PUM1: variants seen among roughly 807,000 people sequenced by gnomAD.
The protein encoded by PUM1 is pumilio homolog 1.
PUM1 carries 13 observed loss-of-function variants against 131.8 expected under a neutral mutation model. The ratio of observed to expected loss-of-function variants is 0.10; its 90% CI spans 0.06 to 0.16. The LOEUF is 0.16. Among genes scored for constraint, PUM1 ranks in the 10% least tolerant of loss-of-function variants. PUM1 has a pLI of 1.00. For synonymous variants in PUM1, 509 were observed against 556.5 expected (o/e 0.91, Z 1.20); for missense variants, 961 against 1,512.4 (o/e 0.64, Z 6.05).
rs1043173503 is a variant in PUM1, at chr1:30,932,126, G to A, written c.*1085C>T. On this transcript the variant is annotated 3_prime_UTR_variant, in exon 22 of 22. Coordinates refer to ENST00000426105, the MANE Select transcript of PUM1 (RefSeq NM_001020658.2). ...TACAATATACAACACTATATGCTAC[G>A]ACCATAAAAGGTGAGAATATACACT... 6.6e-6 allele frequency: 1 copy of A among 152,426 alleles called. No individual in the cohort carries two copies. Among genetic ancestry groups the A allele is most frequent in the Non-Finnish European group, 1.5e-5 (1 of 68,010 alleles). 9.4% of individuals were successfully genotyped at this position (152,426 alleles called of 1,614,324 possible).
chr1:30,960,048 T>C (rs552981298), intron 14 of PUM1, among the ~76,000 whole-genome samples: 1 of 152,314 alleles, frequency 6.6e-6, no homozygotes, highest in Admixed American at 6.5e-5. Context: ...TGATTATGCT[T>C]AATGGTAAAA....
chr1:31,003,236 A>C (rs1642278278), intron 5 of PUM1, among the ~76,000 whole-genome samples: 1 of 152,218 alleles, frequency 6.6e-6, no homozygotes, highest in Non-Finnish European at 1.5e-5. Context: ...TATCTACAAG[A>C]AGCAGAAATC....
intron 10 of PUM1, among the ~76,000 whole-genome samples, chr1:30,970,422 A>G (rs115853989): frequency 0.01 from 1,571 of 152,308 alleles, 11 homozygotes; most frequent in East Asian, 0.032. Context: ...GATCTTGCAG[A>G]TTTGCTGGAA....
At chr1:30,939,511 G>T (rs2124384700) in intron 20 of PUM1, among the ~76,000 whole-genome samples, 1 of 152,304 alleles carries the variant, frequency 6.6e-6, no homozygotes, top group East Asian at 1.9e-4. Context: ...GTGACCACAG[G>T]CTAACAGCCA....
chr1:30,959,586 G>A (rs550057947), intron 14 of PUM1, among the ~76,000 whole-genome samples: 1 of 152,180 alleles, frequency 6.6e-6, no homozygotes, highest in South Asian at 2.1e-4. Context: ...ACGGAATACA[G>A]GATAAAAGCC....
intron 1 of PUM1, among the ~76,000 whole-genome samples, chr1:31,060,076 G>A (rs980857659): frequency 4.0e-5 from 6 of 150,090 alleles, no homozygotes; most frequent in African/African-American, 9.8e-5. Context: ...TCGAACTCCC[G>A]ACCTCAGGTG....
At chr1:31,023,055 T>A (rs924773790) in intron 3 of PUM1, among the ~76,000 whole-genome samples, 8 of 151,776 alleles carry the variant, frequency 5.3e-5, no homozygotes, top group African/African-American at 1.9e-4. Flanking sequence ...ACACCTGTAG[T>A]CCCAGCTACT....
intron 20 of PUM1, among the ~76,000 whole-genome samples, chr1:30,938,283 C>T (rs1639296670): frequency 6.6e-6 from 1 of 152,160 alleles, no homozygotes; most frequent in South Asian, 2.1e-4. Context: ...GAGACAGTCT[C>T]GCTCTGTCAC....
At chr1:30,987,893 T>C (rs915596233) in intron 7 of PUM1, among the ~76,000 whole-genome samples, 4 of 152,226 alleles carry the variant, frequency 2.6e-5, no homozygotes, top group Admixed American at 6.5e-5. Flanking sequence ...AGAAATCACA[T>C]ATACTTTCAT....
chr1:30,941,362 T>G, intron 19 of PUM1, 90 bp from the exon 20 acceptor site: 3 of 1,346,620 alleles, frequency 2.2e-6, no homozygotes, highest in Non-Finnish European at 3.0e-6. Flanking sequence ...AAACCTGTCT[T>G]TCTTTTACCA....
At chr1:30,936,869 A>G in intron 20 of PUM1, 34 bp from the exon 21 acceptor site, 3 of 1,529,564 alleles carry the variant, frequency 2.0e-6, no homozygotes, top group East Asian at 2.3e-5. Context: ...CAACTCTTAC[A>G]AGAGAGGCCC....
In PUM1 at chr1:30,941,243, A is replaced by G. The variant is rs767562793; in HGVS notation, c.3150T>C (p.His1050=). Residue 1050 remains histidine (H), a synonymous_variant, in exon 20 of 22, where the codon CAT becomes CAC. Transcript: ENST00000426105. The stretch of plus-strand genomic sequence containing the variant: ...CCTCAGGACGACCGTGCTCCAGTAC[A>G]TGTTGGATTACATAATTTCCATATT... ...QDQYGNYVIQ[H]VLEHGRPEDK... is the part of the protein sequence containing the mutation. 9.9e-6 allele frequency: 16 copies of G among 1,611,880 alleles called. No homozygotes were observed. The East Asian group carries it at 3.3e-4, about 34-fold the overall frequency.
At chr1:30,952,412 G>C (rs1310583214) in intron 15 of PUM1, 49 bp from the exon 16 acceptor site, 2 of 1,612,092 alleles carry the variant, frequency 1.2e-6, no homozygotes, top group Non-Finnish European at 1.7e-6. Flanking sequence ...GGAAGACCTG[G>C]AGATACATCA....
At chr1:31,051,155 C>A (rs1394946778) in intron 2 of PUM1, 1 of 150,904 alleles carries the variant, frequency 6.6e-6, no homozygotes. Context: ...TTTTTAAAAC[C>A]CTTCAAAAAA....
At chr1:31,064,710 A>C (rs1415097565) in intron 1 of PUM1, among the ~76,000 whole-genome samples, 1 of 123,304 alleles carries the variant, frequency 8.1e-6, no homozygotes, top group African/African-American at 3.1e-5. Flanking sequence ...TTACGGGAGA[A>C]TAAAGCCTTC....
chr1:30,986,746 G>C (rs1470512780), intron 7 of PUM1, among the ~76,000 whole-genome samples: 2 of 152,168 alleles, frequency 1.3e-5, no homozygotes, highest in East Asian at 3.8e-4. Flanking sequence ...TAGAAGTTAA[G>C]CTTCAACTGA....
intron 2 of PUM1, among the ~76,000 whole-genome samples, chr1:31,053,424 C>T (rs1644159911): frequency 6.6e-6 from 1 of 150,944 alleles, no homozygotes; most frequent in African/African-American, 2.4e-5. Context: ...AAAATGAGGG[C>T]TCTCTGCCGG....
chr1:30,977,548 C>A (rs1334218942), intron 9 of PUM1, among the ~76,000 whole-genome samples: 1 of 152,184 alleles, frequency 6.6e-6, no homozygotes, highest in Non-Finnish European at 1.5e-5. Flanking sequence ...CATCCCAGGG[C>A]AAATCAACTG....
chr1:30,985,545 G>C lies in PUM1; in HGVS notation c.1159-4140C>G, dbSNP rs189023544. On this transcript the variant is annotated intron_variant, in intron 7 of 21. Transcript: ENST00000426105. ...TGCAGGCCTGTAATCCCAGTTACTC[G>C]GGAGGCTGAGGCAGAAGAATTGCTT... Among the ~76,000 whole-genome samples the C allele has an allele frequency of 4.5e-3, 680 of 151,700 alleles. 3 individuals are homozygous for C. The highest frequency in any genetic ancestry group is 0.015 in the African/African-American group (640 of 41,316).
Sources: gnomAD v4.1 joint callset for allele counts (sites outside exome capture counted in the v4.1 genomes callset) on GRCh38, gnomAD v4.1.1 for gene constraint, MANE v1.5 for transcripts, NCBI Gene and HGNC (gene_info 2026-07-23, HGNC 2026-07-21) for gene names.